The following ECE1 variants were observed in gnomAD, a reference collection of about 807,000 sequenced individuals.
The protein encoded by ECE1 is endothelin converting enzyme 1.
Under a neutral mutation model 98.6 loss-of-function variants are expected in ECE1, and 35 were observed. The observed-to-expected ratio is 0.35, with a 90% confidence interval of 0.27 to 0.47. The LOEUF is 0.47. Ranked by LOEUF, ECE1 falls within the 20% of genes least tolerant of loss-of-function variation. ECE1 has a pLI of 1.00. For missense variants in ECE1, 814 were observed against 1,025.3 expected, an observed-to-expected ratio of 0.79 and a Z score of 2.81; for synonymous variants, 394 against 407.1, an observed-to-expected ratio of 0.97 and a Z score of 0.39.
rs1434039595 is a variant in ECE1 at position 21,220,667 on chromosome 1, C to T, written c.2137-536G>A. On this transcript the variant is annotated intron_variant, in intron 18 of 18. Transcript: ENST00000374893. This position sits in a 1 kb window ranked among gnomAD's most constrained non-coding sequence, Gnocchi z 5.0. ...CAAAAATTAGATGGGCGTGGTGGTGCGTGCCTATATCCCAGCTACATGAGA... is the reference window on the plus strand; with the variant it reads ...CAAAAATTAGATGGGCGTGGTGGTGTGTGCCTATATCCCAGCTACATGAGA... Among the ~76,000 whole-genome samples, 1 of 152,042 alleles carries T rather than the reference C, an allele frequency of 6.6e-6. No individual in the cohort carries two copies. The highest frequency in any genetic ancestry group is 6.6e-5 in the Admixed American group (1 of 15,248).
chr1:21,234,072 C>A (rs1166124125), intron 13 of ECE1, among the ~76,000 whole-genome samples: 1 of 152,030 alleles, frequency 6.6e-6, no homozygotes, highest in Non-Finnish European at 1.5e-5. Context: ...ACTGCAACCT[C>A]CACCTCCTGG....
chr1:21,333,141 A>G (rs1639238610), intron 1 of ECE1, among the ~76,000 whole-genome samples: 1 of 152,144 alleles, frequency 6.6e-6, no homozygotes, highest in Non-Finnish European at 1.5e-5. Context: ...GCTCAAGTTG[A>G]TCCCATGGCC....
At chr1:21,234,028 T>C (rs1389292618) in intron 13 of ECE1, among the ~76,000 whole-genome samples, 3 of 152,020 alleles carry the variant, frequency 2.0e-5, no homozygotes, top group African/African-American at 7.2e-5. Flanking sequence ...TGATCTATCA[T>C]CCAGGCTGGA....
chr1:21,296,488 G>C (rs1416533339), intron 1 of ECE1, among the ~76,000 whole-genome samples: 1 of 152,112 alleles, frequency 6.6e-6, no homozygotes, highest in African/African-American at 2.4e-5. Context: ...ACTCTAGCTT[G>C]GGTGACAGAG....
At chr1:21,299,837 A>G (rs1638445854) in intron 1 of ECE1, 1 of 152,260 alleles carries the variant, frequency 6.6e-6, no homozygotes, top group Non-Finnish European at 1.5e-5. Flanking sequence ...TCCATTTTTC[A>G]TCTGTAAAAT....
At chr1:21,221,922 G>A in intron 17 of ECE1, 80 bp from the exon 18 acceptor site, 1 of 1,266,714 alleles carries the variant, frequency 7.9e-7, no homozygotes, top group Non-Finnish European at 1.2e-6. Flanking sequence ...GTCTCAGGGA[G>A]CTCCCCCGTG....
chr1:21,265,537 A>C (rs1234913260), intron 4 of ECE1, among the ~76,000 whole-genome samples: 4 of 152,200 alleles, frequency 2.6e-5, no homozygotes, highest in Non-Finnish European at 5.9e-5. Context: ...GTTTCAAACA[A>C]AACAAAACAA....
chr1:21,227,987 C>T lies in ECE1; in HGVS notation c.1725G>A (p.Glu575=), dbSNP rs906215337. ...VNAYYSPTKN[E]IVFPAGILQA... is the part of the protein sequence containing the mutation. ...GCAGGATCCCGGCCGGAAACACAAT[C>T]TCATTCTTGGTGGGCGAGTAGTAGG... is the stretch of plus-strand genomic sequence containing the variant. Residue 575 remains glutamate (E), a synonymous_variant, in exon 15 of 19, where the codon GAG becomes GAA. Transcript: ENST00000374893. 1.3e-6 allele frequency: 2 copies of T among 1,564,978 alleles called. No individual in the cohort carries two copies. The highest frequency in any genetic ancestry group is 1.7e-6 in the Non-Finnish European group (2 of 1,153,600).
chr1:21,336,738 G>A (rs1176934275), intron 1 of ECE1, among the ~76,000 whole-genome samples: 1 of 152,220 alleles, frequency 6.6e-6, no homozygotes, highest in African/African-American at 2.4e-5. Context: ...AGCTACTCAG[G>A]AGGCTGAGGC....
chr1:21,260,352 C>A lies in ECE1; in HGVS notation c.534G>T (p.Ala178=), dbSNP rs28367975. 2.3e-5 allele frequency: 37 copies of A among 1,614,256 alleles called. No individual in the cohort carries two copies. The highest frequency in any genetic ancestry group is 2.6e-5 in the Non-Finnish European group (31 of 1,180,048). ...TASVSEAERK[A]QVYYRACMNE... ...TCATGCACGCACGGTAGTATACTTGCGCCTTTCTCTCTGCCTCGCTCACGC... is the reference window on the plus strand; with the variant it reads ...TCATGCACGCACGGTAGTATACTTGAGCCTTTCTCTCTGCCTCGCTCACGC... Residue 178 remains alanine (A), a synonymous_variant, in exon 5 of 19, where the codon GCG becomes GCT. Coordinates refer to ENST00000374893, the MANE Select transcript of ECE1 (RefSeq NM_001397.3). This position sits in a 1 kb window ranked among gnomAD's most constrained non-coding sequence, Gnocchi z 4.3.
intron 1 of ECE1, among the ~76,000 whole-genome samples, chr1:21,333,558 G>A (rs912863627): frequency 9.8e-5 from 15 of 152,312 alleles, no homozygotes; most frequent in African/African-American, 2.9e-4. Flanking sequence ...CGGGCTGGGC[G>A]CAGTGGCTCA....
chr1:21,308,680 T>C (rs934488242), intron 1 of ECE1, among the ~76,000 whole-genome samples: 5 of 152,172 alleles, frequency 3.3e-5, no homozygotes, highest in Middle Eastern at 6.8e-3. Flanking sequence ...ACAGGGCTAG[T>C]ACCCCCAACC....
intron 4 of ECE1, among the ~76,000 whole-genome samples, chr1:21,264,317 C>G (rs370466951): frequency 2.4e-5 from 2 of 82,382 alleles, no homozygotes; most frequent in African/African-American, 9.5e-5. Flanking sequence ...ATTCCCCCCC[C>G]CCCTTTTTTT....
chr1:21,337,607 A>G (rs1639326745), intron 1 of ECE1, among the ~76,000 whole-genome samples: 1 of 152,188 alleles, frequency 6.6e-6, no homozygotes, highest in African/African-American at 2.4e-5. Context: ...ATCCTGTGTC[A>G]TCATCGTAAC....
rs759545552 is a variant in ECE1, at chr1:21,290,140, C to G, written c.68G>C (p.Arg23Pro). 2 of 1,562,718 alleles carry G rather than the reference C, an allele frequency of 1.3e-6. No individual in the cohort carries two copies. The highest frequency in any genetic ancestry group is 2.8e-5 in the African/African-American group (2 of 70,946). The change falls in exon 2 of 19, where the codon CGG becomes CCG. Residue 23 changes from arginine to proline, a missense_variant. Transcript: ENST00000374893. This position sits in a 1 kb window ranked among gnomAD's most constrained non-coding sequence, Gnocchi z 7.3. The part of the protein sequence containing the change: ...LSALGMSTYK[R>P]ATLDEEDLVD... ...CAGGTCCTCCTCGTCCAGCGTGGCC[C>G]GCTTGTACGTCGACATCTGCAAGGC...
At chr1:21,314,194 A>G (rs2103393911) in intron 1 of ECE1, among the ~76,000 whole-genome samples, 1 of 152,344 alleles carries the variant, frequency 6.6e-6, no homozygotes, top group African/African-American at 2.4e-5. Context: ...TGGTAAAAAG[A>G]TGGGATCAAA....
In ECE1 at chr1:21,225,573, C is replaced by T. The variant is rs1267881576; in HGVS notation, c.1850-133G>A. 2 of 1,012,452 alleles carry T rather than the reference C, an allele frequency of 2.0e-6. No homozygotes were observed. Among genetic ancestry groups the T allele is most frequent in the African/African-American group, 3.2e-5 (2 of 62,636 alleles). The allele number at this position is 1,012,452 out of a possible 1,614,324, so 62.7% of individuals were successfully genotyped here. ...TCCAGCCACCATGGGGAGACGAGGT[C>T]CCTGTGAGTGCCGAGGGACGTGGAT... On this transcript the variant is annotated intron_variant, in intron 16 of 18. Coordinates refer to ENST00000374893, the MANE Select transcript of ECE1 (RefSeq NM_001397.3). The surrounding 1 kb of genome is among the most constrained non-coding windows in gnomAD (Gnocchi z 5.3).
intron 18 of ECE1, among the ~76,000 whole-genome samples, chr1:21,221,415 A>G (rs146148054): frequency 9.9e-5 from 15 of 152,124 alleles, no homozygotes; most frequent in African/African-American, 3.6e-4. Context: ...CAGGTGATCC[A>G]CTTGCCTCGG....
chr1:21,285,371 C>CA (rs1376537472), intron 2 of ECE1, among the ~76,000 whole-genome samples: 6 of 152,160 alleles, frequency 3.9e-5, no homozygotes, highest in Non-Finnish European at 7.3e-5. Flanking sequence ...CTCAGTCTCC[C>CA]ATCTCTAAAA....
Sources: allele counts gnomAD v4.1 joint callset (sites outside exome capture counted in the v4.1 genomes callset), GRCh38; gene constraint gnomAD v4.1.1; non-coding constraint Gnocchi (gnomAD v3.1); transcripts MANE v1.5; gene names NCBI Gene and HGNC (gene_info 2026-07-23, HGNC 2026-07-21).